The following ADGRV1 variants were observed in gnomAD, a reference collection of about 807,000 sequenced individuals.
ADGRV1 encodes G-protein coupled receptor 98.
Under a neutral mutation model 596.2 loss-of-function variants are expected in ADGRV1, and 359 were observed. The ratio of observed to expected loss-of-function variants is 0.60; its 90% CI spans 0.55 to 0.66. The LOEUF (loss-of-function observed/expected upper bound fraction) is 0.66. Among genes scored for constraint, ADGRV1 ranks in the 30% least tolerant of loss-of-function variants. The probability of loss-of-function intolerance (pLI) is 0.00; values close to 1 mark genes in which losing one functional copy is unlikely to be tolerated. For missense variants in ADGRV1, 7,274 were observed against 7,575.6 expected, an observed-to-expected ratio of 0.96 and a Z score of 1.48; for synonymous variants, 2,681 against 2,679.2, an observed-to-expected ratio of 1.00 and a Z score of -0.02.
intron 69 of ADGRV1, among the ~76,000 whole-genome samples, chr5:90,790,382 A>T (rs965823636): frequency 6.6e-6 from 1 of 152,186 alleles, no homozygotes; most frequent in Non-Finnish European, 1.5e-5. Context: ...CTCTTTCTGT[A>T]TTGGATATTA....
Position 90,851,134 on chromosome 5 carries a change from T to TGA in ADGRV1, c.17205-2117_17205-2116dup, listed in dbSNP as rs141999531. Reference sequence around the variant, plus strand: ...GTGTGTGTGTGTGTGTGTGTGTGTGTGAGAGAGAGAGAGAGAGAGAGAGAG... The same window carrying TGA: ...GTGTGTGTGTGTGTGTGTGTGTGTGTGAGAGAGAGAGAGAGAGAGAGAGAGAG... On this transcript the variant is annotated intron_variant, in intron 79 of 89. Transcript: ENST00000405460. Among the ~76,000 whole-genome samples, 615 of 81,474 alleles carry TGA rather than the reference T, an allele frequency of 7.5e-3. 10 individuals are homozygous for TGA. Among genetic ancestry groups the TGA allele is most frequent in the African/African-American group, 0.021 (584 of 27,250 alleles). The allele number at this position is 81,474 out of a possible 152,430, so 53.5% of individuals were successfully genotyped here.
chr5:91,061,342 A>G (rs1215087737), intron 85 of ADGRV1, among the ~76,000 whole-genome samples: 1 of 152,176 alleles, frequency 6.6e-6, no homozygotes, highest in African/African-American at 2.4e-5. Flanking sequence ...CAGCAGTTTT[A>G]TCAAGTTGCT....
intron 74 of ADGRV1, among the ~76,000 whole-genome samples, chr5:90,812,457 G>A (rs539206272): frequency 1.3e-5 from 2 of 152,208 alleles, no homozygotes; most frequent in South Asian, 4.1e-4. Context: ...ATTACCTCAA[G>A]TACTTAACTT....
intron 83 of ADGRV1, among the ~76,000 whole-genome samples, chr5:90,867,732 G>A (rs1768268012): frequency 6.6e-6 from 1 of 152,152 alleles, no homozygotes; most frequent in Non-Finnish European, 1.5e-5. Flanking sequence ...GTGTGAGTAA[G>A]GCTTGAAGAC....
chr5:90,958,759 T>A (rs1777725659), intron 83 of ADGRV1, among the ~76,000 whole-genome samples: 1 of 152,200 alleles, frequency 6.6e-6, no homozygotes, highest in Non-Finnish European at 1.5e-5. Context: ...TCTAAAGACC[T>A]CTTCTTAACT....
intron 85 of ADGRV1, among the ~76,000 whole-genome samples, chr5:91,041,443 A>T (rs996965062): frequency 6.6e-6 from 1 of 152,058 alleles, no homozygotes; most frequent in Non-Finnish European, 1.5e-5. Context: ...CAATGAGAAC[A>T]CATGGACACA....
At chr5:90,574,751 A>C (rs1389233889) in intron 1 of ADGRV1, among the ~76,000 whole-genome samples, 1 of 152,164 alleles carries the variant, frequency 6.6e-6, no homozygotes, top group East Asian at 1.9e-4. Context: ...CCTTATCACT[A>C]ATTTAATTTC....
chr5:90,820,822 G>A (rs996752531), intron 75 of ADGRV1, among the ~76,000 whole-genome samples: 12 of 152,098 alleles, frequency 7.9e-5, no homozygotes, highest in African/African-American at 2.9e-4. Flanking sequence ...AGGGTAACCC[G>A]ACCTTTCTCT....
chr5:90,754,976 C>T lies in ADGRV1; in HGVS notation c.11378-7C>T, dbSNP rs1244907917. 1 of 1,601,284 alleles carries T rather than the reference C, an allele frequency of 6.2e-7. No individual in the cohort carries two copies. Among genetic ancestry groups the T allele is most frequent in the Non-Finnish European group, 8.6e-7 (1 of 1,168,866 alleles). On this transcript the variant is annotated splice_region_variant and splice_polypyrimidine_tract_variant and intron_variant, in intron 54 of 89. Transcript: ENST00000405460. The stretch of plus-strand genomic sequence containing the variant: ...GACTATTTACTCGTGGCATGTTTCT[C>T]TCACAGAAAACACCACCACTCTTCA...
At chr5:90,759,711 A>G in intron 58 of ADGRV1, 123 bp downstream of exon 58, 1 of 815,892 alleles carries the variant, frequency 1.2e-6, no homozygotes, top group Non-Finnish European at 2.0e-6. Flanking sequence ...CATGCCAGTA[A>G]TCCCAGCACT....
At chr5:91,014,136 C>CCA (rs70973720) in intron 85 of ADGRV1, among the ~76,000 whole-genome samples, 3,726 of 35,670 alleles carry the variant, frequency 0.1, 111 homozygotes, top group South Asian at 0.15. Context: ...TTCACAATTG[C>CCA]CACACACACA....
At chr5:91,113,284 C>G (rs930075269) in intron 87 of ADGRV1, among the ~76,000 whole-genome samples, 1 of 152,152 alleles carries the variant, frequency 6.6e-6, no homozygotes, top group Non-Finnish European at 1.5e-5. Flanking sequence ...GGAGAACTCA[C>G]ACTCCTCCTA....
chr5:90,928,098 T>G (rs372658246), intron 83 of ADGRV1, among the ~76,000 whole-genome samples: 1 of 152,028 alleles, frequency 6.6e-6, no homozygotes, highest in Non-Finnish European at 1.5e-5. Flanking sequence ...GTGAATCTGA[T>G]AATTATGTGT....
intron 78 of ADGRV1, among the ~76,000 whole-genome samples, chr5:90,842,648 G>A (rs1765533547): frequency 6.6e-6 from 1 of 152,052 alleles, no homozygotes; most frequent in Non-Finnish European, 1.5e-5. Context: ...AACCCAGGAG[G>A]TGGAGGTTGC....
intron 80 of ADGRV1, 92 bp downstream of exon 80, chr5:90,853,625 G>A: frequency 1.6e-6 from 2 of 1,219,830 alleles, no homozygotes; most frequent in Non-Finnish European, 1.1e-6. Context: ...TCACAGTTTT[G>A]GTAAGTGCTA....
At chr5:90,787,477 C>T (rs1348358097) in intron 67 of ADGRV1, among the ~76,000 whole-genome samples, 3 of 151,596 alleles carry the variant, frequency 2.0e-5, no homozygotes, top group African/African-American at 4.8e-5. Flanking sequence ...TTCTCTAATA[C>T]GTATTTTAAT....
chr5:91,150,279 CTG>C, intron 88 of ADGRV1, 58 bp downstream of exon 88: 11 of 1,201,610 alleles, frequency 9.2e-6, no homozygotes, highest in South Asian at 5.8e-5. Context: ...CTCTCTCTCT[CTG>C]TCTGTCTCTC....
At chr5:90,679,663 A>AG in intron 26 of ADGRV1, 34 bp downstream of exon 26, 1 of 1,471,168 alleles carries the variant, frequency 6.8e-7, no homozygotes, top group South Asian at 1.2e-5. Flanking sequence ...TTACTATTAT[A>AG]GGTTTTTATT....
At chr5:90,574,225 T>C (rs1271153077) in intron 1 of ADGRV1, among the ~76,000 whole-genome samples, 4 of 152,130 alleles carry the variant, frequency 2.6e-5, no homozygotes, top group African/African-American at 9.7e-5. Context: ...AGGAATCGCA[T>C]TGAATCTGTA....
Sources: allele counts gnomAD v4.1 joint callset (sites outside exome capture counted in the v4.1 genomes callset), GRCh38; gene constraint gnomAD v4.1.1; transcripts MANE v1.5; gene names NCBI Gene and HGNC (gene_info 2026-07-23, HGNC 2026-07-21).